The following PKNOX2 variants were observed in gnomAD, a reference collection of about 807,000 sequenced individuals.
PKNOX2 encodes PBX/knotted 1 homeobox 2.
In PKNOX2, 14 loss-of-function variants were observed where a neutral mutation model predicts 53.1. The ratio of observed to expected loss-of-function variants is 0.26; its 90% CI spans 0.17 to 0.41. The LOEUF (loss-of-function observed/expected upper bound fraction) is 0.41, where lower values mean the gene tolerates loss of function less well. Among genes scored for constraint, PKNOX2 ranks in the 10% least tolerant of loss-of-function variants. PKNOX2 has a pLI of 1.00. For missense variants in PKNOX2, 496 were observed against 602.8 expected (o/e 0.82, Z 1.85); for synonymous variants, 257 against 242.8 (o/e 1.06, Z -0.54).
chr11:125,183,500 G>A lies in PKNOX2; in HGVS notation c.-201+18724G>A, dbSNP rs866016935. On this transcript the variant is annotated intron_variant, in intron 1 of 12. Transcript: ENST00000298282. ...CAAAGGATGAATCCTTTTTCTGACA[G>A]TAGCTTGCCTGCTTTGTGGATCGTT... 3.9e-5 allele frequency among the ~76,000 whole-genome samples: 6 copies of A among 152,244 alleles called. No homozygotes were observed. The South Asian group carries it at 1.2e-3, about 32-fold the overall frequency.
Position 125,385,669 on chromosome 11 carries a change from C to T in PKNOX2, c.346C>T (p.Gln116Ter). 6.2e-7 allele frequency: 1 copy of T among 1,613,918 alleles called. No homozygotes were observed. Among genetic ancestry groups the T allele is most frequent in the Non-Finnish European group, 8.5e-7 (1 of 1,179,942 alleles). ...DVDIENFVHQ[Q>*]EQEHKPFFSD... ...GGACATCGAGAACTTTGTCCACCAG[C>T]AGGAACAGGAGCACAAACCCTTCTT... The change falls in exon 6 of 13, where the codon CAG becomes TAG. Residue 116 changes from glutamine to a stop codon, truncating the protein, a stop_gained. Transcript: ENST00000298282. LOFTEE classifies it high-confidence loss of function.
intron 2 of PKNOX2, among the ~76,000 whole-genome samples, chr11:125,235,325 A>G (rs1942578719): frequency 6.6e-6 from 1 of 152,232 alleles, no homozygotes; most frequent in Non-Finnish European, 1.5e-5. Context: ...ATTTAATTAG[A>G]CTATATTGAT....
Position 125,269,529 on chromosome 11 carries a change from G to T in PKNOX2, c.-130+34414G>T, listed in dbSNP as rs148635751. ...ATTAATGCCAGGGCTGAGGAATCCA[G>T]CCTGACTGCTGACACTGGCAGAGGC... On this transcript the variant is annotated intron_variant, in intron 2 of 12. Transcript: ENST00000298282. Among the ~76,000 whole-genome samples, 188 of 152,332 alleles carry T rather than the reference G, an allele frequency of 1.2e-3. 1 individual carries two copies. The highest frequency in any genetic ancestry group is 4.4e-3 in the African/African-American group (181 of 41,578).
rs187860309 is a variant in PKNOX2, at chr11:125,418,008, A to C, written c.936+6143A>C. Among the ~76,000 whole-genome samples, 25 of 152,122 alleles carry C rather than the reference A, an allele frequency of 1.6e-4. 1 individual carries two copies. The highest frequency in any genetic ancestry group is 6.0e-4 in the African/African-American group (25 of 41,374). The stretch of plus-strand genomic sequence containing the variant: ...GACTTTTTAGATAGAAACATAATTC[A>C]CGTACCATAAAATTTACCGTTTTAA... On this transcript the variant is annotated intron_variant, in intron 10 of 12. Transcript: ENST00000298282.
At chr11:125,383,236 T>C (rs1953375453) in intron 5 of PKNOX2, among the ~76,000 whole-genome samples, 1 of 152,142 alleles carries the variant, frequency 6.6e-6, no homozygotes, top group Non-Finnish European at 1.5e-5. Flanking sequence ...ACAAATACCA[T>C]GTAAGCTAGA....
chr11:125,380,832 G>A (rs1009633423), intron 5 of PKNOX2, among the ~76,000 whole-genome samples: 1 of 152,214 alleles, frequency 6.6e-6, no homozygotes, highest in African/African-American at 2.4e-5. Context: ...GCCTGCAGCC[G>A]AGACTGCTGG....
At chr11:125,168,863 C>A (rs1351888482) in intron 1 of PKNOX2, among the ~76,000 whole-genome samples, 1 of 152,218 alleles carries the variant, frequency 6.6e-6, no homozygotes, top group Admixed American at 6.5e-5. Flanking sequence ...AAAGAAACAA[C>A]CAATAAAATT....
chr11:125,289,052 C>G (rs923781596), intron 2 of PKNOX2, among the ~76,000 whole-genome samples: 1 of 152,172 alleles, frequency 6.6e-6, no homozygotes, highest in Non-Finnish European at 1.5e-5. Context: ...ATAGCAGGTG[C>G]CTTTTACCAT....
At chr11:125,248,398 C>T (rs1007071717) in intron 2 of PKNOX2, among the ~76,000 whole-genome samples, 2 of 152,268 alleles carry the variant, frequency 1.3e-5, no homozygotes, top group African/African-American at 4.8e-5. Context: ...TGATACTCTA[C>T]AGGCAAAGCC....
Position 125,368,091 on chromosome 11 carries a change from G to A in PKNOX2, c.227+106G>A, listed in dbSNP as rs550887900. ...AAAGGGTGGGCTCGGCAGAGATGAC[G>A]GCCAATAGCTATTCTCCCTTGGCCT... is the stretch of plus-strand genomic sequence containing the variant. On this transcript the variant is annotated intron_variant, in intron 5 of 12. Transcript: ENST00000298282. 475 of 1,370,646 alleles carry A rather than the reference G, an allele frequency of 3.5e-4. 1 individual carries two copies. In the South Asian group the frequency reaches 3.8e-3, roughly 11 times the overall value. 84.9% of individuals were successfully genotyped at this position (1,370,646 alleles called of 1,614,324 possible). A position where few individuals can be genotyped will look rare whatever the true frequency, so the allele number is the denominator to read the frequency against.
intron 1 of PKNOX2, among the ~76,000 whole-genome samples, chr11:125,232,387 C>T (rs188235433): frequency 4.9e-4 from 75 of 152,326 alleles, no homozygotes; most frequent in Non-Finnish European, 9.3e-4. Context: ...CAGCGTTCTA[C>T]GAACCTTTCA....
rs931036072 is a variant in PKNOX2, at chr11:125,166,469, G to T, written c.-201+1693G>T. On this transcript the variant is annotated intron_variant, in intron 1 of 12. Transcript: ENST00000298282. This position sits in a 1 kb window ranked among gnomAD's most constrained non-coding sequence, Gnocchi z 4.0. ...GACAGATCGAAGAGACCTTCTGGGC[G>T]AAGCGGCAGGGCAGCCTCGCGGGGC... Among the ~76,000 whole-genome samples, 88 of 152,214 alleles carry T rather than the reference G, an allele frequency of 5.8e-4. No homozygotes were observed. The highest frequency in any genetic ancestry group is 1.9e-3 in the Admixed American group (29 of 15,292).
intron 2 of PKNOX2, among the ~76,000 whole-genome samples, chr11:125,282,972 C>T (rs772093925): frequency 3.9e-5 from 6 of 151,996 alleles, no homozygotes; most frequent in African/African-American, 7.2e-5. Flanking sequence ...GGCAACATGG[C>T]AAAACCCCAT....
chr11:125,345,441 C>CA (rs1212746643), intron 3 of PKNOX2, among the ~76,000 whole-genome samples: 26 of 152,100 alleles, frequency 1.7e-4, no homozygotes, highest in Non-Finnish European at 3.4e-4. Context: ...CCCCATCCAC[C>CA]AAGCCTCAGG....
At chr11:125,428,150 C>T (rs1956517531) in intron 10 of PKNOX2, among the ~76,000 whole-genome samples, 1 of 152,108 alleles carries the variant, frequency 6.6e-6, no homozygotes, top group Non-Finnish European at 1.5e-5. Flanking sequence ...TATCCCAGTG[C>T]CGTCATGAAG....
intron 2 of PKNOX2, among the ~76,000 whole-genome samples, chr11:125,261,182 A>C (rs927335752): frequency 4.6e-5 from 7 of 152,122 alleles, no homozygotes; most frequent in African/African-American, 1.7e-4. Context: ...TTGTCTTGGA[A>C]GGGCTGGTGA....
intron 6 of PKNOX2, among the ~76,000 whole-genome samples, chr11:125,389,822 A>G (rs1203037400): frequency 1.3e-5 from 2 of 152,134 alleles, no homozygotes; most frequent in South Asian, 2.1e-4. Context: ...TTTAACATTT[A>G]TGGGGTACAT....
At chr11:125,315,330 AC>A (rs1949107192) in intron 2 of PKNOX2, among the ~76,000 whole-genome samples, 1 of 139,644 alleles carries the variant, frequency 7.2e-6, no homozygotes, top group South Asian at 2.3e-4. Context: ...AAAAAAAAAC[AC>A]CTCTCTCTGC....
At chr11:125,247,502 C>A (rs1943649243) in intron 2 of PKNOX2, among the ~76,000 whole-genome samples, 1 of 152,220 alleles carries the variant, frequency 6.6e-6, no homozygotes, top group Admixed American at 6.5e-5. Context: ...GCCTTGTCTG[C>A]AGGGCAGATT....
Sources: allele counts gnomAD v4.1 joint callset (sites outside exome capture counted in the v4.1 genomes callset), GRCh38; gene constraint gnomAD v4.1.1; non-coding constraint Gnocchi (gnomAD v3.1); transcripts MANE v1.5; gene names NCBI Gene and HGNC (gene_info 2026-07-23, HGNC 2026-07-21).